Variants in KIAA1328 observed in about 807,000 individuals in gnomAD.
KIAA1328 encodes KIAA1328.
A neutral mutation model predicts 68.1 loss-of-function variants in KIAA1328; 52 were observed. The observed-to-expected ratio is 0.76, with a 90% CI of 0.61 to 0.96. KIAA1328 has a LOEUF of 0.96. Ranked by LOEUF, KIAA1328 falls within the 40% of genes least tolerant of loss-of-function variation. KIAA1328 has a pLI of 0.00. For missense variants in KIAA1328, 641 were observed against 677.6 expected, an observed-to-expected ratio of 0.95 and a Z score of 0.60; for synonymous variants, 232 against 239.4, an observed-to-expected ratio of 0.97 and a Z score of 0.28.
At chr18:37,020,048 C>A (rs936744652) in intron 6 of KIAA1328, among the ~76,000 whole-genome samples, 2 of 152,142 alleles carry the variant, frequency 1.3e-5, no homozygotes, top group East Asian at 3.9e-4. Context: ...CCCTTTTGCA[C>A]GAAGATCTCT....
chr18:37,183,969 G>A lies in KIAA1328; in HGVS notation c.1523+10888G>A, dbSNP rs544675299. Among the ~76,000 whole-genome samples, 6 of 152,292 alleles carry A rather than the reference G, an allele frequency of 3.9e-5. No homozygotes were observed. The South Asian group carries it at 1.0e-3, about 26-fold the overall frequency. On this transcript the variant is annotated intron_variant, in intron 9 of 9. Transcript: ENST00000280020. ...CTTCCTCTCCTGCCCCACAAAGGATGTGGACGTTATGAGCATGAGTACTTT... is the reference window on the plus strand; with the variant it reads ...CTTCCTCTCCTGCCCCACAAAGGATATGGACGTTATGAGCATGAGTACTTT...
chr18:36,920,010 G>A (rs952729712), intron 5 of KIAA1328, among the ~76,000 whole-genome samples: 3 of 151,996 alleles, frequency 2.0e-5, no homozygotes, highest in Non-Finnish European at 4.4e-5. Context: ...ATCTTCACCC[G>A]TTCTGTAGGT....
intron 6 of KIAA1328, among the ~76,000 whole-genome samples, chr18:37,032,062 C>G (rs1290049588): frequency 6.6e-6 from 1 of 152,060 alleles, no homozygotes; most frequent in African/African-American, 2.4e-5. Context: ...CTCCTGTAGT[C>G]CCAGCTACTG....
At chr18:37,102,020 A>G (rs1475313175) in intron 7 of KIAA1328, among the ~76,000 whole-genome samples, 1 of 152,256 alleles carries the variant, frequency 6.6e-6, no homozygotes, top group Admixed American at 6.5e-5. Context: ...GGCCAGTATT[A>G]CTGATACCAA....
intron 6 of KIAA1328, among the ~76,000 whole-genome samples, chr18:37,041,762 C>G (rs2055260395): frequency 6.6e-6 from 1 of 151,882 alleles, no homozygotes; most frequent in African/African-American, 2.4e-5. Flanking sequence ...CAATATGCTT[C>G]TTAACCTATT....
intron 5 of KIAA1328, among the ~76,000 whole-genome samples, chr18:36,929,129 A>T (rs1372505996): frequency 6.6e-6 from 1 of 152,164 alleles, no homozygotes; most frequent in African/African-American, 2.4e-5. Flanking sequence ...TACTTTAATT[A>T]TCTTAAAGTT....
intron 8 of KIAA1328, among the ~76,000 whole-genome samples, chr18:37,170,471 T>G (rs1472446142): frequency 6.6e-6 from 1 of 152,228 alleles, no homozygotes; most frequent in Middle Eastern, 3.2e-3. Flanking sequence ...GACATAGTGA[T>G]GTTCAATAAA....
chr18:37,147,262 A>G lies in KIAA1328; in HGVS notation c.1233-12938A>G, dbSNP rs185476945. On this transcript the variant is annotated intron_variant, in intron 7 of 9. Coordinates refer to ENST00000280020, the MANE Select transcript of KIAA1328 (RefSeq NM_020776.3). ...ACAGACAAAGACAGTGGCCAGCAACATATTTATAATCGTGAATTTAAATAA... is the reference window on the plus strand; with the variant it reads ...ACAGACAAAGACAGTGGCCAGCAACGTATTTATAATCGTGAATTTAAATAA... 3.9e-5 allele frequency among the ~76,000 whole-genome samples: 6 copies of G among 152,346 alleles called. No individual in the cohort carries two copies. The East Asian group carries it at 9.6e-4, about 24-fold the overall frequency.
At chr18:36,918,787 T>G (rs2049810478) in intron 5 of KIAA1328, among the ~76,000 whole-genome samples, 1 of 152,202 alleles carries the variant, frequency 6.6e-6, no homozygotes, top group South Asian at 2.1e-4. Context: ...ATCTCACAAA[T>G]TATGAAGTAC....
chr18:37,024,332 C>G (rs2054471503), intron 6 of KIAA1328, among the ~76,000 whole-genome samples: 1 of 148,550 alleles, frequency 6.7e-6, no homozygotes, highest in South Asian at 2.1e-4. Context: ...CATGTGTTCT[C>G]TTTTTTTATG....
chr18:37,103,581 G>C (rs2057686629), intron 7 of KIAA1328, among the ~76,000 whole-genome samples: 1 of 152,058 alleles, frequency 6.6e-6, no homozygotes, highest in Admixed American at 6.6e-5. Flanking sequence ...AACATTTTAG[G>C]ACATTGGTCT....
chr18:37,044,390 T>A (rs1485475806), intron 6 of KIAA1328, among the ~76,000 whole-genome samples: 4 of 152,046 alleles, frequency 2.6e-5, no homozygotes, highest in Non-Finnish European at 5.9e-5. Context: ...AGGAAAGGAG[T>A]ATATTCAGGT....
At chr18:36,875,860 G>T (rs991273368) in intron 4 of KIAA1328, among the ~76,000 whole-genome samples, 1 of 152,152 alleles carries the variant, frequency 6.6e-6, no homozygotes. Context: ...CTAGTGTATT[G>T]AGTGTTTTTA....
intron 5 of KIAA1328, among the ~76,000 whole-genome samples, chr18:36,947,564 G>T (rs2050952476): frequency 6.6e-6 from 1 of 152,158 alleles, no homozygotes; most frequent in Non-Finnish European, 1.5e-5. Flanking sequence ...GGAGTGTCTG[G>T]GTAAAGATAA....
chr18:36,863,550 T>G (rs1230903892), intron 4 of KIAA1328, among the ~76,000 whole-genome samples: 2 of 152,202 alleles, frequency 1.3e-5, no homozygotes, highest in Non-Finnish European at 2.9e-5. Context: ...AATGTCTACA[T>G]AAAATTCTGC....
chr18:37,074,130 G>C (rs2056627431), intron 7 of KIAA1328, among the ~76,000 whole-genome samples: 1 of 152,190 alleles, frequency 6.6e-6, no homozygotes. Context: ...TAGTAGGACA[G>C]TTATTGTCTA....
intron 5 of KIAA1328, among the ~76,000 whole-genome samples, chr18:36,897,797 C>A (rs1349089017): frequency 6.6e-6 from 1 of 152,000 alleles, no homozygotes; most frequent in Non-Finnish European, 1.5e-5. Context: ...GATGTCACAA[C>A]ATTTAGAAGT....
chr18:36,903,400 G>A (rs540894878), intron 5 of KIAA1328, among the ~76,000 whole-genome samples: 40 of 152,192 alleles, frequency 2.6e-4, no homozygotes, highest in African/African-American at 9.1e-4. Flanking sequence ...GTTCAATTGC[G>A]AAAGTTCTCT....
intron 7 of KIAA1328, among the ~76,000 whole-genome samples, chr18:37,109,287 CT>C (rs1177799505): frequency 3.9e-5 from 6 of 152,178 alleles, no homozygotes; most frequent in African/African-American, 7.2e-5. Flanking sequence ...AAATGTAAGG[CT>C]ACTTAGGGTT....
Sources: gnomAD v4.1 joint callset for allele counts (sites outside exome capture counted in the v4.1 genomes callset) on GRCh38, gnomAD v4.1.1 for gene constraint, MANE v1.5 for transcripts, NCBI Gene and HGNC (gene_info 2026-07-23, HGNC 2026-07-21) for gene names.